The following FER variants were observed in gnomAD, a reference collection of about 807,000 sequenced individuals.
FER encodes FER tyrosine kinase.
FER carries 63 observed loss-of-function variants against 111.0 expected under a neutral mutation model. The observed-to-expected ratio is 0.57, with a 90% confidence interval of 0.46 to 0.70. The LOEUF (loss-of-function observed/expected upper bound fraction) is 0.70. FER is among the 30% of genes least tolerant of loss of function. The pLI, the probability that FER is intolerant of heterozygous loss-of-function variation, is 0.00. For synonymous variants in FER, 327 were observed against 313.9 expected, an observed-to-expected ratio of 1.04 and a Z score of -0.44; for missense variants, 914 against 954.0, an observed-to-expected ratio of 0.96 and a Z score of 0.55.
chr5:109,046,692 T>C (rs1772028625), intron 15 of FER, among the ~76,000 whole-genome samples: 1 of 152,174 alleles, frequency 6.6e-6, no homozygotes. Context: ...ATTGCATCTG[T>C]ACAGAACATG....
rs1581294409 is a variant in FER at position 108,938,725 on chromosome 5, A to ACC, written c.1237-7405_1237-7404insCC. Among the ~76,000 whole-genome samples the ACC allele has an allele frequency of 1.1e-4, 17 of 152,140 alleles. No homozygotes were observed. The East Asian group carries it at 3.1e-3, about 28-fold the overall frequency. ...GACTTAAGAGTTCCAGTGAGATTGA[A>ACC]AAATGGTTACAGCAGAACTGGTTGA... On this transcript the variant is annotated intron_variant, in intron 10 of 19. Coordinates refer to ENST00000281092, the MANE Select transcript of FER (RefSeq NM_005246.4).
intron 17 of FER, among the ~76,000 whole-genome samples, chr5:109,127,648 A>C (rs1751885185): frequency 6.6e-6 from 1 of 151,950 alleles, no homozygotes; most frequent in Non-Finnish European, 1.5e-5. Context: ...CTCATGATCC[A>C]CCGGCCATGG....
In FER at chr5:109,187,776, A is replaced by T. The variant is rs1009580639; in HGVS notation, c.*201A>T. 1.6e-6 allele frequency: 1 copy of T among 607,974 alleles called. No individual in the cohort carries two copies. Among genetic ancestry groups the T allele is most frequent in the Non-Finnish European group, 2.8e-6 (1 of 355,994 alleles). 37.7% of individuals were successfully genotyped at this position (607,974 alleles called of 1,614,324 possible). ...TGTTAAAGAAATAGGCAGTCCTACC[A>T]AGGGCTTTCTTAGCTAACCATAGCA... On this transcript the variant is annotated 3_prime_UTR_variant, in exon 20 of 20. Transcript: ENST00000281092.
intron 17 of FER, among the ~76,000 whole-genome samples, chr5:109,144,073 T>G (rs1368778429): frequency 6.6e-6 from 1 of 152,010 alleles, no homozygotes; most frequent in Non-Finnish European, 1.5e-5. Context: ...TCAAATCCAT[T>G]ACTCACCACA....
intron 17 of FER, among the ~76,000 whole-genome samples, chr5:109,126,098 C>G (rs1336207091): frequency 6.6e-6 from 1 of 151,788 alleles, no homozygotes; most frequent in Non-Finnish European, 1.5e-5. Flanking sequence ...TTTGGATTAT[C>G]TGTGGATAAT....
chr5:108,792,838 G>A (rs1580560423), intron 2 of FER, among the ~76,000 whole-genome samples: 1 of 151,204 alleles, frequency 6.6e-6, no homozygotes, highest in East Asian at 1.9e-4. Context: ...TTTGTATATT[G>A]ACCTTGTACC....
At chr5:108,997,691 T>C (rs1480899315) in intron 13 of FER, among the ~76,000 whole-genome samples, 1 of 152,128 alleles carries the variant, frequency 6.6e-6, no homozygotes, top group East Asian at 1.9e-4. Context: ...TTCAGAGCCA[T>C]CAGGCAGGGA....
intron 2 of FER, among the ~76,000 whole-genome samples, chr5:108,771,900 T>C (rs1482924105): frequency 2.0e-5 from 3 of 152,180 alleles, no homozygotes; most frequent in South Asian, 2.1e-4. Context: ...GTATTTGTCT[T>C]TTTGTTCATT....
At chr5:108,918,383 A>C (rs935689343) in intron 10 of FER, among the ~76,000 whole-genome samples, 1 of 152,224 alleles carries the variant, frequency 6.6e-6, no homozygotes, top group Non-Finnish European at 1.5e-5. Flanking sequence ...CATGACATCA[A>C]AATCATTCTA....
chr5:109,026,990 C>T (rs1481708822), intron 13 of FER, among the ~76,000 whole-genome samples: 1 of 152,086 alleles, frequency 6.6e-6, no homozygotes, highest in Non-Finnish European at 1.5e-5. Flanking sequence ...ATTATTCTTT[C>T]TAAGGATTAT....
At chr5:109,029,425 C>CTTTTTTTTTTTTTTTTT (rs757282669) in intron 13 of FER, among the ~76,000 whole-genome samples, 4 of 52,212 alleles carry the variant, frequency 7.7e-5, no homozygotes, top group East Asian at 5.1e-4. Context: ...ATTCATTGTT[C>CTTTTTTTTTTTTTTTTT]TTTTTTTTTT....
intron 3 of FER, chr5:108,820,557 GT>G: frequency 1.0e-6 from 1 of 984,670 alleles, no homozygotes. Flanking sequence ...TTTCTGGCCT[GT>G]TCTGTGTTTA....
intron 3 of FER, among the ~76,000 whole-genome samples, chr5:108,825,777 A>G (rs1759401449): frequency 6.6e-6 from 1 of 152,246 alleles, no homozygotes; most frequent in South Asian, 2.1e-4. Flanking sequence ...GGGGGAACCA[A>G]TAAATGTCCA....
intron 2 of FER, among the ~76,000 whole-genome samples, chr5:108,775,491 A>G (rs1392702821): frequency 1.3e-5 from 2 of 152,206 alleles, no homozygotes; most frequent in African/African-American, 4.8e-5. Flanking sequence ...CTCTCCTTAA[A>G]TAATTTTAAA....
chr5:109,067,145 G>A (rs1378788500), intron 16 of FER, among the ~76,000 whole-genome samples: 1 of 152,166 alleles, frequency 6.6e-6, no homozygotes, highest in African/African-American at 2.4e-5. Flanking sequence ...AGATTGGAAA[G>A]GTAGGACCTT....
intron 17 of FER, among the ~76,000 whole-genome samples, chr5:109,165,638 G>GTGTA (rs1554154667): frequency 1.0e-5 from 1 of 95,988 alleles, no homozygotes; most frequent in African/African-American, 3.7e-5. Context: ...GTGTGTGTGT[G>GTGTA]TATACACACA....
intron 18 of FER, 52 bp downstream of exon 18, chr5:109,180,953 A>C (rs1218658976): frequency 6.7e-7 from 1 of 1,487,520 alleles, no homozygotes; most frequent in Non-Finnish European, 9.1e-7. Context: ...CGGCATCAGC[A>C]TAAAACATTC....
chr5:108,968,081 T>A (rs533828681), intron 13 of FER, among the ~76,000 whole-genome samples: 1 of 152,230 alleles, frequency 6.6e-6, no homozygotes, highest in South Asian at 2.1e-4. Context: ...TTTTACCACC[T>A]CCAACAAAAA....
intron 13 of FER, among the ~76,000 whole-genome samples, chr5:108,997,397 G>T (rs914050734): frequency 6.8e-6 from 1 of 147,656 alleles, no homozygotes; most frequent in Admixed American, 6.8e-5. Flanking sequence ...AGCCTGGGTG[G>T]TGGAGCGAGA....
Sources: allele counts gnomAD v4.1 joint callset (sites outside exome capture counted in the v4.1 genomes callset), GRCh38; gene constraint gnomAD v4.1.1; transcripts MANE v1.5; gene names NCBI Gene and HGNC (gene_info 2026-07-23, HGNC 2026-07-21).